Variants in LPP observed in about 807,000 individuals in gnomAD.
LPP encodes LIM domain containing preferred translocation partner in lipoma, also known as lipoma-preferred partner.
In LPP, 38 loss-of-function variants were observed where a neutral mutation model predicts 60.4. The ratio of observed to expected loss-of-function variants is 0.63; its 90% CI spans 0.49 to 0.83. The LOEUF is 0.83. Among genes scored for constraint, LPP ranks in the 40% least tolerant of loss-of-function variants. The pLI, the probability that LPP is intolerant of heterozygous loss-of-function variation, is 0.00. For synonymous variants in LPP, 328 were observed against 290.8 expected, an observed-to-expected ratio of 1.13 and a Z score of -1.30; for missense variants, 902 against 783.6, an observed-to-expected ratio of 1.15 and a Z score of -1.80.
In LPP at chr3:188,889,749, T is replaced by G; in HGVS notation, c.*15270T>G. On this transcript the variant is annotated 3_prime_UTR_variant, in exon 12 of 12. Coordinates refer to ENST00000617246, the MANE Select transcript of LPP (RefSeq NM_001375462.1). ...CAGCTATGTTTCATAATTTCAAGAG[T>G]GTGACCACCCTGCTCTAGTCATCAT... is the stretch of plus-strand genomic sequence containing the variant. 2 of 219,312 alleles carry G rather than the reference T, an allele frequency of 9.1e-6. No individual in the cohort carries two copies. The highest frequency in any genetic ancestry group is 1.8e-5 in the Non-Finnish European group (2 of 109,274). The allele number at this position is 219,312 out of a possible 1,614,324, so 13.6% of individuals were successfully genotyped here.
At chr3:188,825,850 G>A (rs1755337264) in intron 9 of LPP, among the ~76,000 whole-genome samples, 1 of 152,072 alleles carries the variant, frequency 6.6e-6, no homozygotes, top group African/African-American at 2.4e-5. Flanking sequence ...TCTTGACTGA[G>A]GCACAGAGAT....
intron 3 of LPP, among the ~76,000 whole-genome samples, chr3:188,360,408 C>G (rs139451635): frequency 6.6e-6 from 1 of 151,934 alleles, no homozygotes; most frequent in Middle Eastern, 3.2e-3. Flanking sequence ...TCTTCCTTGC[C>G]TCCTTCTCTC....
In LPP at chr3:188,200,827, T is replaced by C. The variant is rs141014852; in HGVS notation, c.-189-24578T>C. Among the ~76,000 whole-genome samples the C allele has an allele frequency of 7.6e-3, 1,154 of 152,270 alleles. 8 individuals carry two copies. Among genetic ancestry groups the C allele is most frequent in the Non-Finnish European group, 0.013 (857 of 68,024 alleles). On this transcript the variant is annotated intron_variant, in intron 1 of 11. Transcript: ENST00000617246. ...AGAGAATATATCTACCCCCAACTTA[T>C]CCATTTAAAATCCCCAGGAGTTATT...
intron 4 of LPP, among the ~76,000 whole-genome samples, chr3:188,419,123 C>G (rs779886921): frequency 6.2e-4 from 94 of 152,072 alleles, no homozygotes; most frequent in Admixed American, 2.6e-4. Context: ...TCATGAATGC[C>G]ACCCAATGTG....
chr3:188,449,371 A>G (rs1251690554), intron 4 of LPP, among the ~76,000 whole-genome samples: 1 of 152,166 alleles, frequency 6.6e-6, no homozygotes, highest in African/African-American at 2.4e-5. Flanking sequence ...ACGGGCTTGG[A>G]ATAGCACTTA....
At chr3:188,845,010 T>C (rs1761054883) in intron 9 of LPP, among the ~76,000 whole-genome samples, 1 of 152,242 alleles carries the variant, frequency 6.6e-6, no homozygotes, top group Non-Finnish European at 1.5e-5. Context: ...CTTCAATCTT[T>C]ACTGAGGCGC....
At chr3:188,547,083 T>A (rs776063497) in intron 6 of LPP, among the ~76,000 whole-genome samples, 6 of 152,176 alleles carry the variant, frequency 3.9e-5, no homozygotes, top group Non-Finnish European at 7.3e-5. Flanking sequence ...AATATTCTCC[T>A]GGAGAGGTCA....
At chr3:188,288,825 A>ACCCCCCCC (rs1480877571) in intron 2 of LPP, among the ~76,000 whole-genome samples, 1 of 25,492 alleles carries the variant, frequency 3.9e-5, no homozygotes, top group Non-Finnish European at 7.4e-5. Flanking sequence ...CCCACCCCCC[A>ACCCCCCCC]CCCCCACCCC....
chr3:188,816,689 A>C (rs1412570574), intron 9 of LPP, among the ~76,000 whole-genome samples: 1 of 152,268 alleles, frequency 6.6e-6, no homozygotes. Flanking sequence ...ATTCTCTGCT[A>C]TTTAGATTCA....
chr3:188,633,800 T>C (rs986421619), intron 7 of LPP, among the ~76,000 whole-genome samples: 1 of 152,226 alleles, frequency 6.6e-6, no homozygotes, highest in Non-Finnish European at 1.5e-5. Context: ...CACAGTTCCA[T>C]CTTTGACTGA....
At chr3:188,767,407 GAAGT>G (rs1734500645) in intron 9 of LPP, among the ~76,000 whole-genome samples, 1 of 152,098 alleles carries the variant, frequency 6.6e-6, no homozygotes, top group Admixed American at 6.6e-5. Context: ...TAAAAATACT[GAAGT>G]AAGAGATAAG....
chr3:188,575,526 G>A (rs1334875174), intron 6 of LPP, among the ~76,000 whole-genome samples: 5 of 152,114 alleles, frequency 3.3e-5, no homozygotes, highest in Non-Finnish European at 5.9e-5. Context: ...CAGCTAGTAC[G>A]TGGCAGGGCT....
rs764332184 is a variant in LPP, at chr3:188,872,793, T to C, written c.1710+30T>C. The C allele has an allele frequency of 3.7e-6, 6 of 1,613,792 alleles. No individual in the cohort carries two copies. The East Asian group carries it at 1.3e-4, about 36-fold the overall frequency. ...GGTTGACAGCCCTGCCCTGCCAGTC[T>C]GTGGCAGGCGTTGAAAGGCTCGTTC... On this transcript the variant is annotated intron_variant, in intron 11 of 11. Transcript: ENST00000617246.
chr3:188,862,050 T>G (rs1040629340), intron 9 of LPP, among the ~76,000 whole-genome samples: 3 of 152,240 alleles, frequency 2.0e-5, no homozygotes, highest in African/African-American at 7.2e-5. Flanking sequence ...TTACTTACTG[T>G]GTGTCATGAA....
intron 4 of LPP, among the ~76,000 whole-genome samples, chr3:188,467,539 G>A (rs1800786883): frequency 6.6e-6 from 1 of 152,008 alleles, no homozygotes; most frequent in Admixed American, 6.6e-5. Flanking sequence ...ATATGTTAGG[G>A]TACATGCCAC....
chr3:188,545,854 C>T (rs957984979), intron 6 of LPP, among the ~76,000 whole-genome samples: 1 of 152,092 alleles, frequency 6.6e-6, no homozygotes, highest in Non-Finnish European at 1.5e-5. Context: ...GGCTCAAAGA[C>T]AGGGGGTTAG....
intron 1 of LPP, among the ~76,000 whole-genome samples, chr3:188,172,336 G>A (rs1721821472): frequency 6.6e-6 from 1 of 152,184 alleles, no homozygotes; most frequent in African/African-American, 2.4e-5. Flanking sequence ...TTGTTGCTCA[G>A]TATTTTTAGG....
At chr3:188,179,567 C>A in intron 1 of LPP, 1 of 446,762 alleles carries the variant, frequency 2.2e-6, no homozygotes. Flanking sequence ...AAAGCCCTCT[C>A]GAGAGGTCTG....
intron 6 of LPP, among the ~76,000 whole-genome samples, chr3:188,545,270 TA>T (rs11366638): frequency 0.29 from 42,018 of 144,700 alleles, 6,641 homozygotes; most frequent in African/African-American, 0.44. Flanking sequence ...AAAAAAACAT[TA>T]AAAAAAAAAA....
Sources: gnomAD v4.1 joint callset for allele counts (sites outside exome capture counted in the v4.1 genomes callset) on GRCh38, gnomAD v4.1.1 for gene constraint, MANE v1.5 for transcripts, NCBI Gene and HGNC (gene_info 2026-07-23, HGNC 2026-07-21) for gene names.